OLFM3: variants seen among roughly 807,000 people sequenced by gnomAD.
OLFM3 encodes the protein olfactomedin 3, also known as noelin-3.
A neutral mutation model predicts 48.6 loss-of-function variants in OLFM3; 20 were observed. The ratio of observed to expected loss-of-function variants is 0.41; its 90% CI spans 0.29 to 0.60. The LOEUF (loss-of-function observed/expected upper bound fraction) is 0.60, where lower values mean the gene tolerates loss of function less well. OLFM3 is among the 20% of genes least tolerant of loss of function. OLFM3 has a pLI of 0.28. For synonymous variants in OLFM3, 222 were observed against 198.1 expected, an observed-to-expected ratio of 1.12 and a Z score of -1.01; for missense variants, 437 against 544.3, an observed-to-expected ratio of 0.80 and a Z score of 1.96.
chr1:101,954,838 A>G (rs1457021070), intron 1 of OLFM3, among the ~76,000 whole-genome samples: 1 of 152,062 alleles, frequency 6.6e-6, no homozygotes, highest in East Asian at 1.9e-4. Context: ...GATGTTAGAT[A>G]GCTAAGTATG....
intron 1 of OLFM3, among the ~76,000 whole-genome samples, chr1:101,865,309 G>C (rs1656816245): frequency 6.6e-6 from 1 of 152,094 alleles, no homozygotes; most frequent in Admixed American, 6.6e-5. Flanking sequence ...GAATATAATG[G>C]CATTTTTGAT....
intron 1 of OLFM3, among the ~76,000 whole-genome samples, chr1:101,940,560 A>G (rs867581355): frequency 2.9e-4 from 44 of 151,092 alleles, no homozygotes; most frequent in Admixed American, 5.9e-4. Flanking sequence ...TCTATCTATC[A>G]TCTATCTACA....
intron 1 of OLFM3, among the ~76,000 whole-genome samples, chr1:101,931,238 A>C (rs986413203): frequency 6.6e-6 from 1 of 152,194 alleles, no homozygotes; most frequent in Non-Finnish European, 1.5e-5. Flanking sequence ...TCTTTTGTAC[A>C]AATGCATAAG....
At chr1:101,846,497 A>G (rs1655999373) in intron 1 of OLFM3, among the ~76,000 whole-genome samples, 2 of 152,070 alleles carry the variant, frequency 1.3e-5, no homozygotes, top group South Asian at 4.1e-4. Context: ...AATTATGAAG[A>G]TTTTTACAGA....
chr1:101,881,021 A>T (rs1033404962), intron 1 of OLFM3, among the ~76,000 whole-genome samples: 1 of 151,888 alleles, frequency 6.6e-6, no homozygotes, highest in Non-Finnish European at 1.5e-5. Context: ...AGTCTTCAGG[A>T]TGGCACAAAA....
At chr1:101,877,491 T>C (rs1006747982) in intron 1 of OLFM3, among the ~76,000 whole-genome samples, 8 of 151,956 alleles carry the variant, frequency 5.3e-5, no homozygotes, top group African/African-American at 1.9e-4. Flanking sequence ...ATGAGCTATA[T>C]TTCCAAAACA....
chr1:101,977,558 A>G (rs979496382), intron 1 of OLFM3, among the ~76,000 whole-genome samples: 1 of 152,184 alleles, frequency 6.6e-6, no homozygotes. Flanking sequence ...AGTTAGTTCA[A>G]TTCTATCCTA....
chr1:101,893,249 G>GA, intron 1 of OLFM3: 1 of 299,840 alleles, frequency 3.3e-6, no homozygotes, highest in South Asian at 3.6e-5. Flanking sequence ...ACAGAGGTGG[G>GA]GAAAAAAAAA....
chr1:101,838,044 C>T (rs901355587), intron 1 of OLFM3: 1 of 152,036 alleles, frequency 6.6e-6, no homozygotes, highest in Admixed American at 6.6e-5. Flanking sequence ...CTCACTCTGT[C>T]ACCCAGGCTG....
intron 1 of OLFM3, among the ~76,000 whole-genome samples, chr1:101,958,453 A>C (rs1043889300): frequency 6.6e-6 from 1 of 152,088 alleles, no homozygotes; most frequent in African/African-American, 2.4e-5. Context: ...CATATAATTT[A>C]TTAGTGTTGA....
At chr1:101,919,563 C>CT (rs763652405) in intron 1 of OLFM3, among the ~76,000 whole-genome samples, 2 of 152,112 alleles carry the variant, frequency 1.3e-5, no homozygotes, top group Non-Finnish European at 2.9e-5. Context: ...GATTTTCATA[C>CT]TATTTCACCA....
chr1:101,854,426 T>C (rs1437325110), intron 1 of OLFM3, among the ~76,000 whole-genome samples: 1 of 152,084 alleles, frequency 6.6e-6, no homozygotes. Context: ...AGCTGACTGA[T>C]GCTCTATAAG....
rs144780647 is a variant in OLFM3 at position 101,806,154 on chromosome 1, G to A, written c.621C>T (p.Gly207=). The change falls in exon 5 of 6, where the codon GGC becomes GGT. Residue 207 remains glycine (G), a synonymous_variant. Coordinates refer to ENST00000370103, the MANE Select transcript of OLFM3 (RefSeq NM_058170.4). Reference sequence around the variant, plus strand: ...TTCCAGATGTCTTGACTGTAACTGGGCCTGTGATTTTCATCAGTTTGCCAC... The same window carrying A: ...TTCCAGATGTCTTGACTGTAACTGGACCTGTGATTTTCATCAGTTTGCCAC... ...LTCGKLMKIT[G]PVTVKTSGTR... 5.2e-4 allele frequency: 837 copies of A among 1,611,910 alleles called. 4 individuals carry two copies. The African/African-American group carries it at 9.8e-3, about 19-fold the overall frequency.
At chr1:101,938,785 C>G (rs972797455) in intron 1 of OLFM3, among the ~76,000 whole-genome samples, 3 of 152,132 alleles carry the variant, frequency 2.0e-5, no homozygotes, top group Admixed American at 6.5e-5. Flanking sequence ...TGTAACAAGT[C>G]CCCCCGAGGC....
intron 1 of OLFM3, among the ~76,000 whole-genome samples, chr1:101,979,350 C>T (rs564600710): frequency 9.2e-5 from 14 of 152,236 alleles, no homozygotes; most frequent in African/African-American, 2.6e-4. Context: ...AATCTCACCT[C>T]GAATTGTAAT....
At chr1:101,949,843 T>C (rs1389503191) in intron 1 of OLFM3, among the ~76,000 whole-genome samples, 1 of 141,790 alleles carries the variant, frequency 7.1e-6, no homozygotes, top group African/African-American at 2.6e-5. Context: ...GGCACGAGAA[T>C]GGCGTAAACC....
Position 101,960,089 on chromosome 1 carries a change from C to T in OLFM3, c.69+36659G>A, listed in dbSNP as rs78148278. On this transcript the variant is annotated intron_variant, in intron 1 of 5. Transcript: ENST00000370103. ...AAACTATGTACTAAAAATAAAATTA[C>T]GAGGCTTATGGAGGAAACGGGGCTG... is the stretch of plus-strand genomic sequence containing the variant. Among the ~76,000 whole-genome samples, 201 of 152,084 alleles carry T rather than the reference C, an allele frequency of 1.3e-3. 6 individuals carry two copies. In the East Asian group the frequency reaches 0.033, roughly 25 times the overall value.
At chr1:101,897,143 A>G (rs1658236509) in intron 1 of OLFM3, among the ~76,000 whole-genome samples, 1 of 152,130 alleles carries the variant, frequency 6.6e-6, no homozygotes, top group Non-Finnish European at 1.5e-5. Flanking sequence ...ATATGTACCA[A>G]CTACCTGTAG....
intron 1 of OLFM3, among the ~76,000 whole-genome samples, chr1:101,849,580 T>G (rs1656143991): frequency 6.6e-6 from 1 of 152,220 alleles, no homozygotes; most frequent in Non-Finnish European, 1.5e-5. Flanking sequence ...ATTTTTATGA[T>G]GCAGGATAGG....
Sources: gnomAD v4.1 joint callset for allele counts (sites outside exome capture counted in the v4.1 genomes callset) on GRCh38, gnomAD v4.1.1 for gene constraint, MANE v1.5 for transcripts, NCBI Gene and HGNC (gene_info 2026-07-23, HGNC 2026-07-21) for gene names.